SETBP1: variants seen among roughly 807,000 people sequenced by gnomAD.
SETBP1 encodes SET-binding protein.
In SETBP1, 9 loss-of-function variants were observed where a neutral mutation model predicts 101.0. The ratio of observed to expected loss-of-function variants is 0.09; its 90% CI spans 0.05 to 0.16. SETBP1 has a LOEUF of 0.16. Among genes scored for constraint, SETBP1 ranks in the 10% least tolerant of loss-of-function variants. SETBP1 has a pLI of 1.00. For missense variants in SETBP1, 1,858 were observed against 2,033.8 expected, an observed-to-expected ratio of 0.91 and a Z score of 1.66; for synonymous variants, 818 against 788.5, an observed-to-expected ratio of 1.04 and a Z score of -0.63.
chr18:44,685,014 G>A (rs1762664335), intron 1 of SETBP1, among the ~76,000 whole-genome samples: 1 of 152,124 alleles, frequency 6.6e-6, no homozygotes, highest in African/African-American at 2.4e-5. Flanking sequence ...CCTGTTCATA[G>A]CAAATGATAC....
chr18:44,957,617 T>G (rs550231878), intron 4 of SETBP1, among the ~76,000 whole-genome samples: 1 of 152,228 alleles, frequency 6.6e-6, no homozygotes, highest in East Asian at 1.9e-4. Flanking sequence ...TCTTGCCCTT[T>G]GCCAACTCCT....
At chr18:44,720,813 G>A (rs1315419472) in intron 2 of SETBP1, among the ~76,000 whole-genome samples, 2 of 152,126 alleles carry the variant, frequency 1.3e-5, no homozygotes, top group African/African-American at 4.8e-5. Context: ...GAGTTGACCT[G>A]GAAAATCTGG....
intron 3 of SETBP1, among the ~76,000 whole-genome samples, chr18:44,945,270 A>G (rs1008756583): frequency 1.3e-5 from 2 of 152,224 alleles, no homozygotes; most frequent in African/African-American, 2.4e-5. Flanking sequence ...AAAGAACTCA[A>G]ACAAATTTAC....
intron 3 of SETBP1, among the ~76,000 whole-genome samples, chr18:44,921,439 TG>T (rs2070577233): frequency 1.3e-5 from 2 of 152,002 alleles, no homozygotes. Flanking sequence ...CCAGTGGCAG[TG>T]GGTCTTAGAT....
intron 4 of SETBP1, among the ~76,000 whole-genome samples, chr18:44,974,313 A>T (rs2071936676): frequency 6.6e-6 from 1 of 152,176 alleles, no homozygotes; most frequent in South Asian, 2.1e-4. Flanking sequence ...CAGGAAGACC[A>T]CCTGGGAAGC....
intron 2 of SETBP1, among the ~76,000 whole-genome samples, chr18:44,779,950 G>A (rs547766267): frequency 6.0e-5 from 9 of 150,432 alleles, no homozygotes; most frequent in Non-Finnish European, 1.3e-4. Flanking sequence ...ACACACGCAC[G>A]CACACACGCA....
chr18:44,984,282 A>G (rs1377659301), intron 4 of SETBP1, among the ~76,000 whole-genome samples: 1 of 152,196 alleles, frequency 6.6e-6, no homozygotes, highest in Non-Finnish European at 1.5e-5. Flanking sequence ...TTCTTCACAG[A>G]CAGGCAGGGC....
chr18:44,800,132 T>C (rs2071573882), intron 2 of SETBP1, among the ~76,000 whole-genome samples: 1 of 152,106 alleles, frequency 6.6e-6, no homozygotes, highest in Admixed American at 6.5e-5. Context: ...CTCAGGCTGG[T>C]GGTTGTCAGT....
chr18:44,703,869 T>C (rs1568099096), intron 2 of SETBP1, among the ~76,000 whole-genome samples: 1 of 152,208 alleles, frequency 6.6e-6, no homozygotes, highest in Non-Finnish European at 1.5e-5. Context: ...AGGCTTTGCA[T>C]TGGAGTTGGG....
At chr18:44,910,359 A>AT (rs1455796984) in intron 3 of SETBP1, among the ~76,000 whole-genome samples, 3 of 152,068 alleles carry the variant, frequency 2.0e-5, no homozygotes, top group Non-Finnish European at 4.4e-5. Context: ...GTTTTTTAGC[A>AT]TTTTTCCTTA....
chr18:45,000,793 AACACACACACAC>A (rs113870439), intron 4 of SETBP1, among the ~76,000 whole-genome samples: 3 of 146,804 alleles, frequency 2.0e-5, no homozygotes, highest in East Asian at 4.1e-4. Flanking sequence ...GAATGCACAC[AACACACACACAC>A]ACACACACAC....
At chr18:44,748,606 C>T (rs2070314649) in intron 2 of SETBP1, among the ~76,000 whole-genome samples, 1 of 152,156 alleles carries the variant, frequency 6.6e-6, no homozygotes, top group Non-Finnish European at 1.5e-5. Context: ...CTTGAGATGC[C>T]CCTTGAAAGG....
chr18:45,064,407 T>C lies in SETBP1; in HGVS notation c.*709T>C, dbSNP rs2073941169. On this transcript the variant is annotated 3_prime_UTR_variant, in exon 6 of 6. Transcript: ENST00000649279. ...TTCCTTTGCCCATTGTACTTCCATA[T>C]ATCTTTTCATTAACTTACTTGCTGC... The C allele has an allele frequency of 6.6e-6, 1 of 152,232 alleles. No homozygotes were observed. The highest frequency in any genetic ancestry group is 2.4e-5 in the African/African-American group (1 of 41,460). 9.4% of individuals were successfully genotyped at this position (152,232 alleles called of 1,614,324 possible). A position where few individuals can be genotyped will look rare whatever the true frequency, so the allele number is the denominator to read the frequency against.
At chr18:44,783,979 C>T (rs1260345563) in intron 2 of SETBP1, among the ~76,000 whole-genome samples, 1 of 152,208 alleles carries the variant, frequency 6.6e-6, no homozygotes, top group Non-Finnish European at 1.5e-5. Flanking sequence ...TGCTTCCAAG[C>T]AGTTAATGTA....
At chr18:44,902,776 C>T (rs1051597949) in intron 3 of SETBP1, among the ~76,000 whole-genome samples, 11 of 152,046 alleles carry the variant, frequency 7.2e-5, no homozygotes, top group Admixed American at 1.3e-4. Context: ...AGAATAAATT[C>T]TGACTTATGT....
At chr18:45,023,375 C>G (rs1045918822) in intron 4 of SETBP1, among the ~76,000 whole-genome samples, 1 of 152,150 alleles carries the variant, frequency 6.6e-6, no homozygotes, top group African/African-American at 2.4e-5. Flanking sequence ...CTTGTTCCAG[C>G]ATCTTGTTTC....
chr18:44,953,367 A>T, intron 4 of SETBP1, 27 bp downstream of exon 4: 1 of 1,590,396 alleles, frequency 6.3e-7, no homozygotes, highest in Non-Finnish European at 8.6e-7. Context: ...TCAGAAATGG[A>T]TTATCAAGTT....
chr18:44,971,293 G>A (rs2071852428), intron 4 of SETBP1, among the ~76,000 whole-genome samples: 1 of 152,154 alleles, frequency 6.6e-6, no homozygotes, highest in African/African-American at 2.4e-5. Flanking sequence ...CATTTGGGTT[G>A]GTTCCAAGTC....
chr18:44,848,475 T>A (rs1486395478), intron 2 of SETBP1, among the ~76,000 whole-genome samples: 1 of 152,204 alleles, frequency 6.6e-6, no homozygotes, highest in Non-Finnish European at 1.5e-5. Context: ...TTGGGTTATA[T>A]GTGTTGAGAA....
Sources: gnomAD v4.1 joint callset for allele counts (sites outside exome capture counted in the v4.1 genomes callset) on GRCh38, gnomAD v4.1.1 for gene constraint, MANE v1.5 for transcripts, NCBI Gene and HGNC (gene_info 2026-07-23, HGNC 2026-07-21) for gene names.